Variants in ULK4 observed in about 807,000 individuals in gnomAD.
The protein encoded by ULK4 is unc-51 like kinase 4, also known as inactive serine/threonine-protein kinase ULK4.
In ULK4, 133 loss-of-function variants were observed where a neutral mutation model predicts 160.6. The ratio of observed to expected loss-of-function variants is 0.83; its 90% CI spans 0.72 to 0.96. The LOEUF (loss-of-function observed/expected upper bound fraction) is 0.96, where lower values mean the gene tolerates loss of function less well. Among genes scored for constraint, ULK4 ranks in the 40% least tolerant of loss-of-function variants. The pLI is 0.00. For missense variants in ULK4, 1,580 were observed against 1,499.5 expected (o/e 1.05, Z -0.89); for synonymous variants, 534 against 539.8 (o/e 0.99, Z 0.15).
chr3:41,642,022 C>T (rs1005229978), intron 30 of ULK4, among the ~76,000 whole-genome samples: 13 of 151,896 alleles, frequency 8.6e-5, no homozygotes, highest in Non-Finnish European at 1.6e-4. Flanking sequence ...ATTACAGGCA[C>T]ATGCAACCAC....
At chr3:41,362,468 G>T (rs975559788) in intron 35 of ULK4, among the ~76,000 whole-genome samples, 1 of 152,082 alleles carries the variant, frequency 6.6e-6, no homozygotes, top group Non-Finnish European at 1.5e-5. Flanking sequence ...ATATACTAGG[G>T]TATCATATAC....
At position 41,387,622 on chromosome 3, in the gene ULK4, T is replaced by C. The variant is rs141141508; in HGVS notation, c.3678+10457A>G. Among the ~76,000 whole-genome samples, 366 of 152,198 alleles carry C rather than the reference T, an allele frequency of 2.4e-3. 2 individuals are homozygous for C. The highest frequency in any genetic ancestry group is 0.015 in the East Asian group (79 of 5,178). Reference sequence around the variant, plus strand: ...CACACCTATGAGTGAGAATACGCGGTGTTTGGTTTTTTGTCCTTGTGATAG... The same window carrying C: ...CACACCTATGAGTGAGAATACGCGGCGTTTGGTTTTTTGTCCTTGTGATAG... On this transcript the variant is annotated intron_variant, in intron 35 of 36. Transcript: ENST00000301831.
In ULK4 at chr3:41,398,223, C is replaced by G; in HGVS notation, c.3534G>C (p.Lys1178Asn). The G allele has an allele frequency of 6.2e-7, 1 of 1,612,250 alleles. No individual in the cohort carries two copies. The highest frequency in any genetic ancestry group is 1.1e-5 in the South Asian group (1 of 90,680). Residue 1178 changes from lysine to asparagine, a missense_variant, in exon 35 of 37, where the codon AAG becomes AAC. Coordinates refer to ENST00000301831, the MANE Select transcript of ULK4 (RefSeq NM_017886.4). Reference sequence around the variant, plus strand: ...ACAGCTGAACCAGTATAGACAGGCACTTGGATGAAACATCAAAAATCTCAG... The same window carrying G: ...ACAGCTGAACCAGTATAGACAGGCAGTTGGATGAAACATCAAAAATCTCAG... ...EDPEIFDVSS[K>N]CLSILVQLYG...
chr3:41,730,744 G>A (rs2037794591), intron 22 of ULK4, among the ~76,000 whole-genome samples: 1 of 152,136 alleles, frequency 6.6e-6, no homozygotes, highest in Non-Finnish European at 1.5e-5. Flanking sequence ...AGACAAAGAA[G>A]TCTTTCAAAC....
At chr3:41,476,828 T>C (rs2084161463) in intron 32 of ULK4, among the ~76,000 whole-genome samples, 1 of 152,148 alleles carries the variant, frequency 6.6e-6, no homozygotes, top group African/African-American at 2.4e-5. Flanking sequence ...CTTTCTTACA[T>C]GAAAATATTA....
At chr3:41,754,614 G>A (rs765877622) in intron 21 of ULK4, 126 bp from the exon 22 acceptor site, 28 of 776,856 alleles carry the variant, frequency 3.6e-5, no homozygotes, top group African/African-American at 9.0e-5. Flanking sequence ...TACTGTTTTC[G>A]CATTCTCAAT....
At chr3:41,921,364 C>A (rs1323429807) in intron 5 of ULK4, among the ~76,000 whole-genome samples, 1 of 152,070 alleles carries the variant, frequency 6.6e-6, no homozygotes. Context: ...GTAATCCCAG[C>A]ATTTTGGGAG....
At chr3:41,700,818 T>A (rs1477935829) in intron 27 of ULK4, among the ~76,000 whole-genome samples, 1 of 151,988 alleles carries the variant, frequency 6.6e-6, no homozygotes, top group Non-Finnish European at 1.5e-5. Context: ...TTAACAAACA[T>A]GAATAAATAA....
At chr3:41,302,104 AAAG>A (rs999714512) in intron 35 of ULK4, among the ~76,000 whole-genome samples, 1 of 152,260 alleles carries the variant, frequency 6.6e-6, no homozygotes, top group African/African-American at 2.4e-5. Flanking sequence ...TTTGGCAAAC[AAAG>A]AATTGAACAG....
At chr3:41,959,632 C>G (rs1206405874) in intron 1 of ULK4, among the ~76,000 whole-genome samples, 1 of 152,082 alleles carries the variant, frequency 6.6e-6, no homozygotes, top group African/African-American at 2.4e-5. Context: ...GTTCTAAAAC[C>G]CATTCATTAA....
intron 22 of ULK4, among the ~76,000 whole-genome samples, chr3:41,720,306 A>C (rs2037406861): frequency 6.6e-6 from 1 of 152,144 alleles, no homozygotes; most frequent in African/African-American, 2.4e-5. Context: ...AACTGCCATA[A>C]AGTTCTATCT....
chr3:41,930,785 A>G (rs1699565676), intron 5 of ULK4, among the ~76,000 whole-genome samples: 1 of 152,242 alleles, frequency 6.6e-6, no homozygotes, highest in African/African-American at 2.4e-5. Context: ...CAAAACCACA[A>G]TGAGATACCG....
intron 35 of ULK4, among the ~76,000 whole-genome samples, chr3:41,364,906 A>G (rs2125776189): frequency 6.6e-6 from 1 of 152,338 alleles, no homozygotes; most frequent in East Asian, 1.9e-4. Flanking sequence ...AAAGATATGC[A>G]TATGAATCAT....
intron 32 of ULK4, among the ~76,000 whole-genome samples, chr3:41,556,588 A>G (rs546919202): frequency 6.7e-6 from 1 of 148,804 alleles, no homozygotes; most frequent in South Asian, 2.1e-4. Context: ...CCTGGGTTCA[A>G]GCGATTCTCT....
chr3:41,437,096 C>T (rs564751516), intron 34 of ULK4, among the ~76,000 whole-genome samples: 32 of 152,302 alleles, frequency 2.1e-4, no homozygotes, highest in African/African-American at 7.5e-4. Flanking sequence ...ACAGGAAAGC[C>T]AACCAAGCTA....
At chr3:41,720,876 G>A (rs1437167329) in intron 22 of ULK4, among the ~76,000 whole-genome samples, 1 of 152,014 alleles carries the variant, frequency 6.6e-6, no homozygotes, top group Non-Finnish European at 1.5e-5. Context: ...TAGGAACAAA[G>A]TATTCAATAG....
rs1178101859 is a variant in ULK4, at chr3:41,789,768, T to C, written c.2086A>G (p.Ile696Val). The change falls in exon 21 of 37, where the codon ATA becomes GTA. Residue 696 changes from isoleucine (I) to valine (V), a missense_variant. Coordinates refer to ENST00000301831, the MANE Select transcript of ULK4 (RefSeq NM_017886.4). ...CAGATGGCAGAGGCCAGGGAGTTTATTACTGAGTTCAGTCCCACCTTTTCA... is the reference window on the plus strand; with the variant it reads ...CAGATGGCAGAGGCCAGGGAGTTTACTACTGAGTTCAGTCCCACCTTTTCA... Reference protein sequence around the residue: ...VIEKVGLNSVINSLASAICKV... With the variant: ...VIEKVGLNSVVNSLASAICKV... 1 of 1,613,930 alleles carries C rather than the reference T, an allele frequency of 6.2e-7. No individual in the cohort carries two copies. Among genetic ancestry groups the C allele is most frequent in the Non-Finnish European group, 8.5e-7 (1 of 1,179,892 alleles).
At chr3:41,675,467 G>A (rs923401743) in intron 29 of ULK4, among the ~76,000 whole-genome samples, 7 of 151,994 alleles carry the variant, frequency 4.6e-5, no homozygotes, top group Admixed American at 2.6e-4. Flanking sequence ...GTACATGCCT[G>A]CAGTCCCAGC....
intron 21 of ULK4, among the ~76,000 whole-genome samples, chr3:41,782,449 A>T (rs1282089344): frequency 6.6e-6 from 1 of 152,072 alleles, no homozygotes; most frequent in Non-Finnish European, 1.5e-5. Context: ...ACTTACTGTG[A>T]CTCACCAAAT....
Sources: allele counts gnomAD v4.1 joint callset (sites outside exome capture counted in the v4.1 genomes callset), GRCh38; gene constraint gnomAD v4.1.1; transcripts MANE v1.5; gene names NCBI Gene and HGNC (gene_info 2026-07-23, HGNC 2026-07-21).